Variants in BMPER observed in about 807,000 individuals in gnomAD.
BMPER encodes the protein BMP-binding endothelial regulator protein.
In BMPER, 45 loss-of-function variants were observed where a neutral mutation model predicts 87.3. That is an observed-to-expected ratio of 0.52 (90% CI 0.41 to 0.66). The LOEUF (loss-of-function observed/expected upper bound fraction) is 0.66. Ranked by LOEUF, BMPER falls within the 30% of genes least tolerant of loss-of-function variation. The probability of loss-of-function intolerance (pLI) is 0.00; values close to 1 mark genes in which losing one functional copy is unlikely to be tolerated. For missense variants in BMPER, 784 were observed against 867.5 expected (o/e 0.90, Z 1.21); for synonymous variants, 326 against 316.2 (o/e 1.03, Z -0.33).
intron 13 of BMPER, among the ~76,000 whole-genome samples, chr7:34,119,012 T>TCACACACACA (rs781255103): frequency 7.9e-4 from 26 of 33,000 alleles, no homozygotes; most frequent in African/African-American, 2.4e-3. Flanking sequence ...TCTCTCTCTC[T>TCACACACACA]CTCACACACA....
chr7:34,032,376 T>G (rs773569514), intron 6 of BMPER, among the ~76,000 whole-genome samples: 2 of 152,098 alleles, frequency 1.3e-5, no homozygotes, highest in Non-Finnish European at 2.9e-5. Flanking sequence ...CCATAACATT[T>G]TAAAGTCATT....
At chr7:34,047,292 T>A (rs546380780) in intron 7 of BMPER, among the ~76,000 whole-genome samples, 1 of 152,186 alleles carries the variant, frequency 6.6e-6, no homozygotes, top group African/African-American at 2.4e-5. Flanking sequence ...TATTTTTTTA[T>A]TTTTTTGAGA....
chr7:33,905,850 C>A, intron 1 of BMPER, 104 bp downstream of exon 1: 1 of 1,397,988 alleles, frequency 7.2e-7, no homozygotes, highest in Non-Finnish European at 9.8e-7. Context: ...GGAGCGCGCA[C>A]CTTGGCGCTT....
chr7:34,043,713 C>G (rs1166707584), intron 6 of BMPER, among the ~76,000 whole-genome samples: 1 of 151,992 alleles, frequency 6.6e-6, no homozygotes, highest in African/African-American at 2.4e-5. Context: ...TATGATAGGC[C>G]TTAAACAAAT....
chr7:34,045,838 G>T (rs1465694748), intron 6 of BMPER, among the ~76,000 whole-genome samples: 1 of 152,128 alleles, frequency 6.6e-6, no homozygotes, highest in African/African-American at 2.4e-5. Context: ...TGGGTGACTG[G>T]AAGATAGGAG....
chr7:34,067,250 G>C (rs929028178), intron 11 of BMPER: 2 of 152,234 alleles, frequency 1.3e-5, no homozygotes, highest in East Asian at 3.9e-4. Flanking sequence ...TCTCCTAGGA[G>C]CCCTGCCTGC....
At chr7:34,096,430 C>T (rs1789533987) in intron 13 of BMPER, among the ~76,000 whole-genome samples, 1 of 152,114 alleles carries the variant, frequency 6.6e-6, no homozygotes, top group Admixed American at 6.6e-5. Flanking sequence ...GGTTTGACGG[C>T]CATCCAGGAC....
chr7:33,925,795 T>G (rs1784343877), intron 2 of BMPER, among the ~76,000 whole-genome samples: 1 of 152,190 alleles, frequency 6.6e-6, no homozygotes, highest in African/African-American at 2.4e-5. Flanking sequence ...AGAAGGAGAT[T>G]CATTTGTGAA....
intron 3 of BMPER, 114 bp downstream of exon 3, chr7:33,937,502 A>T: frequency 1.2e-6 from 1 of 825,992 alleles, no homozygotes; most frequent in Non-Finnish European, 1.9e-6. Context: ...ATGGGTGGGG[A>T]GGAGAAGTAG....
intron 2 of BMPER, among the ~76,000 whole-genome samples, chr7:33,930,366 G>T (rs1053789801): frequency 5.3e-5 from 8 of 152,112 alleles, no homozygotes; most frequent in Non-Finnish European, 2.9e-5. Flanking sequence ...TGAAGAATGA[G>T]CAAGCAAAAG....
intron 14 of BMPER, among the ~76,000 whole-genome samples, chr7:34,143,618 C>G (rs531338147): frequency 1.1e-4 from 17 of 152,336 alleles, no homozygotes; most frequent in African/African-American, 4.1e-4. Flanking sequence ...GCAAAATCCT[C>G]TTGACCTCAA....
At chr7:34,129,610 A>AGAGAAAGAGAGAG (rs1790507400) in intron 13 of BMPER, among the ~76,000 whole-genome samples, 1 of 69,638 alleles carries the variant, frequency 1.4e-5, no homozygotes, top group Non-Finnish European at 3.0e-5. Context: ...GAGAGAGAGA[A>AGAGAAAGAGAGAG]AGAGAGAGAG....
chr7:34,122,840 AT>A (rs1250164328), intron 13 of BMPER, among the ~76,000 whole-genome samples: 2 of 152,162 alleles, frequency 1.3e-5, no homozygotes, highest in African/African-American at 4.8e-5. Flanking sequence ...CTGAAATAAC[AT>A]TTTTTTAAAT....
intron 9 of BMPER, among the ~76,000 whole-genome samples, chr7:34,057,629 C>G (rs1788318862): frequency 6.6e-6 from 1 of 152,196 alleles, no homozygotes; most frequent in Non-Finnish European, 1.5e-5. Flanking sequence ...CTCTGGACAT[C>G]TCAATTAACT....
chr7:33,982,685 C>G (rs1785896432), intron 6 of BMPER, among the ~76,000 whole-genome samples: 1 of 152,064 alleles, frequency 6.6e-6, no homozygotes, highest in African/African-American at 2.4e-5. Context: ...GCCAAGGCTT[C>G]TAGCGGAAGG....
intron 3 of BMPER, among the ~76,000 whole-genome samples, chr7:33,950,617 T>C (rs1451998683): frequency 6.6e-6 from 1 of 152,146 alleles, no homozygotes; most frequent in Admixed American, 6.5e-5. Context: ...AGGACCTTTA[T>C]GGCTTGTAGA....
intron 14 of BMPER, among the ~76,000 whole-genome samples, chr7:34,147,011 G>A (rs1341803288): frequency 6.6e-6 from 1 of 152,142 alleles, no homozygotes; most frequent in Non-Finnish European, 1.5e-5. Context: ...TCTGCCACCT[G>A]CCTATAACTG....
intron 13 of BMPER, among the ~76,000 whole-genome samples, chr7:34,106,472 C>T (rs1202370872): frequency 6.6e-6 from 1 of 152,228 alleles, no homozygotes; most frequent in Admixed American, 6.5e-5. Flanking sequence ...TGGTGCCCTG[C>T]ATGTAGACAG....
chr7:33,936,274 C>T (rs1784599278), intron 2 of BMPER, among the ~76,000 whole-genome samples: 1 of 152,186 alleles, frequency 6.6e-6, no homozygotes, highest in African/African-American at 2.4e-5. Context: ...TGCTCCTCTC[C>T]AACCTGCCCC....
Sources: gnomAD v4.1 joint callset for allele counts (sites outside exome capture counted in the v4.1 genomes callset) on GRCh38, gnomAD v4.1.1 for gene constraint, MANE v1.5 for transcripts, NCBI Gene and HGNC (gene_info 2026-07-23, HGNC 2026-07-21) for gene names.